The following CAPN1 variants were observed in gnomAD, a reference collection of about 807,000 sequenced individuals.
CAPN1 encodes the protein calpain 1.
CAPN1 carries 77 observed loss-of-function variants against 105.2 expected under a neutral mutation model. That is an observed-to-expected ratio of 0.73 (90% CI 0.61 to 0.88). The LOEUF is 0.88. Ranked by LOEUF, CAPN1 falls within the 40% of genes least tolerant of loss-of-function variation. The pLI, the probability that CAPN1 is intolerant of heterozygous loss-of-function variation, is 0.00. For synonymous variants in CAPN1, 355 were observed against 388.8 expected, an observed-to-expected ratio of 0.91 and a Z score of 1.02; for missense variants, 833 against 976.6, an observed-to-expected ratio of 0.85 and a Z score of 1.96.
chr11:65,186,243 A>G lies in CAPN1; in HGVS notation c.664A>G (p.Thr222Ala). The G allele has an allele frequency of 6.2e-7, 1 of 1,613,642 alleles. No individual in the cohort carries two copies. The change falls in exon 6 of 22, where the codon ACC becomes GCC. Residue 222 changes from threonine (T) to alanine (A), a missense_variant. By Grantham distance (58) the Thr-to-Ala change is moderately conservative (BLOSUM62 0). Coordinates refer to ENST00000279247, the MANE Select transcript of CAPN1 (RefSeq NM_005186.4). ...CTTTGAGGACTTCACAGGCGGGGTT[A>G]CCGAGTGGTACGAGTTGCGCAAGGC... ...EGFEDFTGGV[T>A]EWYELRKAPS... is the part of the protein sequence containing the mutation.
intron 10 of CAPN1, among the ~76,000 whole-genome samples, chr11:65,190,949 C>T (rs1004565553): frequency 6.6e-6 from 1 of 152,096 alleles, no homozygotes; most frequent in Admixed American, 6.6e-5. Flanking sequence ...AAGTGATCCA[C>T]CTGGCTTAGC....
At chr11:65,207,451 C>T (rs1357046344) in intron 14 of CAPN1, among the ~76,000 whole-genome samples, 3 of 151,678 alleles carry the variant, frequency 2.0e-5, no homozygotes, top group South Asian at 2.1e-4. Context: ...CCACCCACCT[C>T]GGCCTCACAA....
At position 65,208,614 on chromosome 11, in the gene CAPN1, C is replaced by CA. The variant is rs1258901818; in HGVS notation, c.1729+358dup. Reference sequence around the variant, plus strand: ...ACAATATGGAGAGACCCTGTCTCTGCAAAAAAGTACAAAAATTAGCTGGGC... The same window carrying CA: ...ACAATATGGAGAGACCCTGTCTCTGCAAAAAAAGTACAAAAATTAGCTGGGC... On this transcript the variant is annotated intron_variant, in intron 16 of 21. Transcript: ENST00000279247. The surrounding 1 kb of genome is among the most constrained non-coding windows in gnomAD (Gnocchi z 4.1). The CA allele has an allele frequency of 1.1e-5, 4 of 358,236 alleles. No individual in the cohort carries two copies. The Admixed American group carries it at 1.6e-4, about 15-fold the overall frequency. 22.2% of individuals were successfully genotyped at this position (358,236 alleles called of 1,614,324 possible).
At chr11:65,201,866 A>G (rs1948876840) in intron 10 of CAPN1, among the ~76,000 whole-genome samples, 1 of 143,616 alleles carries the variant, frequency 7.0e-6, no homozygotes, top group African/African-American at 2.6e-5. Context: ...TCTGTTGCCC[A>G]GGCTGGAGTG....
intron 10 of CAPN1, among the ~76,000 whole-genome samples, chr11:65,198,619 G>A (rs1411853398): frequency 6.6e-6 from 1 of 151,910 alleles, no homozygotes; most frequent in Non-Finnish European, 1.5e-5. Context: ...CATGTTATTT[G>A]GATTACCCAC....
At position 65,188,468 on chromosome 11, in the gene CAPN1, G is replaced by C. The variant is rs748730583; in HGVS notation, c.984G>C (p.Lys328Asn). Reference sequence around the variant, plus strand: ...ATGAACGGGACCAGCTCCGGGTCAAGATGGAGGACGGGGAGTTCTGGTGAG... The same window carrying C: ...ATGAACGGGACCAGCTCCGGGTCAACATGGAGGACGGGGAGTTCTGGTGAG... Reference protein sequence around the residue: ...DPYERDQLRVKMEDGEFWMSF... With the variant: ...DPYERDQLRVNMEDGEFWMSF... Residue 328 changes from lysine (K) to asparagine (N), a missense_variant, in exon 9 of 22, where the codon AAG (lysine) becomes AAC (asparagine). Physicochemically the swap from Lys to Asn is moderately conservative, Grantham distance 94 (BLOSUM62 0). Coordinates refer to ENST00000279247, the MANE Select transcript of CAPN1 (RefSeq NM_005186.4). The surrounding 1 kb of genome is among the most constrained non-coding windows in gnomAD (Gnocchi z 5.5). The C allele has an allele frequency of 6.2e-7, 1 of 1,613,220 alleles. No individual in the cohort carries two copies. The highest frequency in any genetic ancestry group is 1.1e-5 in the South Asian group (1 of 90,910).
Position 65,188,448 on chromosome 11 carries a change from C to G in CAPN1, c.964C>G (p.Arg322Gly). Residue 322 changes from arginine to glycine, a missense_variant, in exon 9 of 22, where the codon CGG becomes GGG. Transcript: ENST00000279247. The surrounding 1 kb of genome is among the most constrained non-coding windows in gnomAD (Gnocchi z 5.5). ...GTGGAACAACGTGGACCCATATGAA[C>G]GGGACCAGCTCCGGGTCAAGATGGA... Reference protein sequence around the residue: ...SEWNNVDPYERDQLRVKMEDG... With the variant: ...SEWNNVDPYEGDQLRVKMEDG... The G allele has an allele frequency of 6.2e-7, 1 of 1,612,998 alleles. No individual in the cohort carries two copies. Among genetic ancestry groups the G allele is most frequent in the Non-Finnish European group, 8.5e-7 (1 of 1,179,480 alleles).
In CAPN1 at chr11:65,201,540, C is replaced by T. The variant is rs1013559744; in HGVS notation, c.1166-3143C>T. Among the ~76,000 whole-genome samples, 8 of 151,988 alleles carry T rather than the reference C, an allele frequency of 5.3e-5. No homozygotes were observed. In the South Asian group the frequency reaches 8.3e-4, roughly 16 times the overall value. ...TCTTTCTTTTTTTTTGTTTTTGAGA[C>T]GGAGTCTCGCTCTGTCGCCCAGGCT... On this transcript the variant is annotated intron_variant, in intron 10 of 21. Coordinates refer to ENST00000279247, the MANE Select transcript of CAPN1 (RefSeq NM_005186.4).
chr11:65,192,327 G>A (rs1043221300), intron 10 of CAPN1, among the ~76,000 whole-genome samples: 4 of 152,178 alleles, frequency 2.6e-5, no homozygotes, highest in East Asian at 1.9e-4. Flanking sequence ...CACGAGTGAC[G>A]TTTGCCTGTT....
At chr11:65,194,410 T>C (rs778394264) in intron 10 of CAPN1, among the ~76,000 whole-genome samples, 1 of 152,164 alleles carries the variant, frequency 6.6e-6, no homozygotes, top group Non-Finnish European at 1.5e-5. Context: ...TTTTGATACA[T>C]AGTGTTTTTG....
At chr11:65,187,481 G>A (rs1948652317) in intron 7 of CAPN1, 183 bp downstream of exon 7, 2 of 602,382 alleles carry the variant, frequency 3.3e-6, no homozygotes, top group South Asian at 2.0e-5. Flanking sequence ...CTGACTGACT[G>A]TAGTTCATGT....
chr11:65,186,470 AC>A, intron 6 of CAPN1, 132 bp downstream of exon 6: 1 of 788,448 alleles, frequency 1.3e-6, no homozygotes, highest in Non-Finnish European at 2.0e-6. Flanking sequence ...CTGGATGCAT[AC>A]CCTGCCTCAT....
chr11:65,206,814 G>T lies in CAPN1; in HGVS notation c.1600G>T (p.Asp534Tyr), dbSNP rs372462125. The change falls in exon 14 of 22, where the codon GAT (aspartate) becomes TAT (tyrosine). Residue 534 changes from aspartate (D) to tyrosine (Y), a missense_variant. Transcript: ENST00000279247. ...LDDQIQANLP[D>Y]EQVLSEEEID... ...TGACCAGATCCAGGCCAATCTCCCC[G>T]ATGAGGTGCGTGGTCCCACCCCACC... is the stretch of plus-strand genomic sequence containing the variant. 19 of 1,611,798 alleles carry T rather than the reference G, an allele frequency of 1.2e-5. No individual in the cohort carries two copies. The highest frequency in any genetic ancestry group is 1.6e-5 in the Non-Finnish European group (19 of 1,179,198).
In CAPN1 at chr11:65,188,207, G is replaced by A. The variant is rs956130449; in HGVS notation, c.929+167G>A. 17 of 687,122 alleles carry A rather than the reference G, an allele frequency of 2.5e-5. No individual in the cohort carries two copies. The highest frequency in any genetic ancestry group is 5.4e-5 in the African/African-American group (3 of 55,376). 42.6% of individuals were successfully genotyped at this position (687,122 alleles called of 1,614,324 possible). ...TGCTCTGACAAAGCTCAGGCCGTGC[G>A]GGCCCCTGTGCCCAGCCGTCGGGTG... On this transcript the variant is annotated intron_variant, in intron 8 of 21. Coordinates refer to ENST00000279247, the MANE Select transcript of CAPN1 (RefSeq NM_005186.4). This position sits in a 1 kb window ranked among gnomAD's most constrained non-coding sequence, Gnocchi z 5.5.
chr11:65,195,486 C>A (rs1315932701), intron 10 of CAPN1, among the ~76,000 whole-genome samples: 3 of 152,120 alleles, frequency 2.0e-5, no homozygotes, highest in Non-Finnish European at 2.9e-5. Flanking sequence ...TTGAGATGAT[C>A]ATTTTGAGGT....
chr11:65,184,380 G>A (rs1948600858), intron 4 of CAPN1, among the ~76,000 whole-genome samples: 1 of 151,880 alleles, frequency 6.6e-6, no homozygotes, highest in African/African-American at 2.4e-5. Flanking sequence ...CCCTTCCCTC[G>A]CTCCTCCAAT....
chr11:65,211,778 G>A lies in CAPN1; in HGVS notation c.*492G>A, dbSNP rs17879208. ...TGTGCCTTCCTGCGCCGAAGCCAAC[G>A]CCCCCTCTGTCCTTCCCTGGCCCTG... On this transcript the variant is annotated 3_prime_UTR_variant, in exon 22 of 22. Coordinates refer to ENST00000279247, the MANE Select transcript of CAPN1 (RefSeq NM_005186.4). 1.6e-4 allele frequency: 26 copies of A among 165,272 alleles called. No homozygotes were observed. The highest frequency in any genetic ancestry group is 1.4e-3 in the Admixed American group (25 of 17,418). 10.2% of individuals were successfully genotyped at this position (165,272 alleles called of 1,614,324 possible). A position where few individuals can be genotyped will look rare whatever the true frequency, so the allele number is the denominator to read the frequency against.
chr11:65,203,872 TTTATTATTA>T (rs201058925), intron 10 of CAPN1, among the ~76,000 whole-genome samples: 18 of 151,816 alleles, frequency 1.2e-4, no homozygotes, highest in African/African-American at 4.4e-4. Flanking sequence ...TGTTATTATC[TTTATTATTA>T]TTATTATTAT....
chr11:65,204,162 C>G lies in CAPN1; in HGVS notation c.1166-521C>G, dbSNP rs896983271. Among the ~76,000 whole-genome samples, 9 of 152,178 alleles carry G rather than the reference C, an allele frequency of 5.9e-5. No homozygotes were observed. The East Asian group carries it at 9.6e-4, about 16-fold the overall frequency. Reference sequence around the variant, plus strand: ...TTAGAGTCCTAATGCAGTCACATGCCTCCTCGCTGCAAGCTGTGGGAGGGT... The same window carrying G: ...TTAGAGTCCTAATGCAGTCACATGCGTCCTCGCTGCAAGCTGTGGGAGGGT... On this transcript the variant is annotated intron_variant, in intron 10 of 21. Transcript: ENST00000279247.
Sources: gnomAD v4.1 joint callset for allele counts (sites outside exome capture counted in the v4.1 genomes callset) on GRCh38, gnomAD v4.1.1 for gene constraint, Gnocchi (gnomAD v3.1) non-coding constraint, MANE v1.5 for transcripts, NCBI Gene and HGNC (gene_info 2026-07-23, HGNC 2026-07-21) for gene names.